The following TRABD variants were observed in gnomAD, a reference collection of about 807,000 sequenced individuals.
TRABD encodes the protein traB domain-containing protein.
TRABD carries 23 observed loss-of-function variants against 39.6 expected under a neutral mutation model. The observed-to-expected ratio is 0.58, with a 90% CI of 0.42 to 0.82. The LOEUF is 0.82. Ranked by LOEUF, TRABD falls within the 40% of genes least tolerant of loss-of-function variation. The pLI is 0.00. For missense variants in TRABD, 487 were observed against 544.9 expected, an observed-to-expected ratio of 0.89 and a Z score of 1.06; for synonymous variants, 243 against 232.1, an observed-to-expected ratio of 1.05 and a Z score of -0.43.
Position 50,199,217 on chromosome 22 carries a change from A to T in TRABD, c.*698A>T. On this transcript the variant is annotated 3_prime_UTR_variant, in exon 10 of 10. Coordinates refer to ENST00000380909, the MANE Select transcript of TRABD (RefSeq NM_001320485.2). ...CCCGAGTGGGCTCGCGTGCAGCCAA[A>T]CATCAGCTCTGGGTCCAGGCGTGGC... 1 of 696,570 alleles carries T rather than the reference A, an allele frequency of 1.4e-6. No homozygotes were observed. The highest frequency in any genetic ancestry group is 2.7e-5 in the East Asian group (1 of 36,816). 43.1% of individuals were successfully genotyped at this position (696,570 alleles called of 1,614,324 possible).
intron 4 of TRABD, 109 bp downstream of exon 4, chr22:50,194,615 G>A (rs1705402431): frequency 1.3e-6 from 2 of 1,484,448 alleles, no homozygotes; most frequent in African/African-American, 2.8e-5. Flanking sequence ...GCGCACCGCA[G>A]GCCTCCTGCT....
rs926732273 is a variant in TRABD, at chr22:50,199,407, G to T, written c.*888G>T. On this transcript the variant is annotated 3_prime_UTR_variant, in exon 10 of 10. Transcript: ENST00000380909. Reference sequence around the variant, plus strand: ...CCCTGCCCGGCGGCCGTCTGTGTGCGGGGCCTCCCTCCTGGCTGTCCAGGA... The same window carrying T: ...CCCTGCCCGGCGGCCGTCTGTGTGCTGGGCCTCCCTCCTGGCTGTCCAGGA... 2.8e-6 allele frequency: 1 copy of T among 351,646 alleles called. No homozygotes were observed. The highest frequency in any genetic ancestry group is 2.1e-5 in the African/African-American group (1 of 47,002). The allele number at this position is 351,646 out of a possible 1,614,324, so 21.8% of individuals were successfully genotyped here. A position where few individuals can be genotyped will look rare whatever the true frequency, so the allele number is the denominator to read the frequency against.
rs764427495 is a variant in TRABD at position 50,197,994 on chromosome 22, C to A, written c.843C>A (p.Asp281Glu). The stretch of plus-strand genomic sequence containing the variant: ...GCCTCGAGCTGCCTCGGGCCTCTGA[C>A]GGTGACGGCCGCCCGCAGGCGTGGG... ...ARRLELPRAS[D>E]AEPRKCVPSV... is the part of the protein sequence containing the mutation. The change falls in exon 8 of 10, where the codon GAC (aspartate) becomes GAA (glutamate). Residue 281 changes from aspartate to glutamate, a missense_variant and splice_region_variant. By Grantham distance (45) the Asp-to-Glu change is conservative. This residue lies in a region of TRABD where 358 missense variants were observed against 414.7 expected (regional missense o/e 0.86). Coordinates refer to ENST00000380909, the MANE Select transcript of TRABD (RefSeq NM_001320485.2). 1 of 1,610,850 alleles carries A rather than the reference C, an allele frequency of 6.2e-7. No homozygotes were observed. Among genetic ancestry groups the A allele is most frequent in the South Asian group, 1.1e-5 (1 of 90,974 alleles).
intron 1 of TRABD, among the ~76,000 whole-genome samples, chr22:50,189,903 C>G (rs530206497): frequency 3.3e-5 from 5 of 152,338 alleles, no homozygotes; most frequent in African/African-American, 1.2e-4. Context: ...GAAGACACTT[C>G]AGAGTCCAGG....
intron 1 of TRABD, among the ~76,000 whole-genome samples, chr22:50,190,825 G>C (rs969826078): frequency 6.6e-6 from 1 of 152,242 alleles, no homozygotes; most frequent in African/African-American, 2.4e-5. Context: ...GCATCGTGGA[G>C]CTTTCACCTA....
Position 50,193,924 on chromosome 22 carries a change from G to A in TRABD, c.112+270G>A, listed in dbSNP as rs999210938. On this transcript the variant is annotated intron_variant, in intron 3 of 9. Transcript: ENST00000380909. The stretch of plus-strand genomic sequence containing the variant: ...GCTCGTGAGCACAAGCAGTGTGAGC[G>A]GCACGGGAGTCCCTCCTTGCTGTGG... Among the ~76,000 whole-genome samples, 4 of 9,108 alleles carry A rather than the reference G, an allele frequency of 4.4e-4. No homozygotes were observed. The South Asian group carries it at 0.021, about 48-fold the overall frequency. The allele number at this position is 9,108 out of a possible 152,430, so 6.0% of individuals were successfully genotyped here. A position where few individuals can be genotyped will look rare whatever the true frequency, so the allele number is the denominator to read the frequency against.
intron 5 of TRABD, 137 bp from the exon 6 acceptor site, chr22:50,197,104 G>A (rs556949796): frequency 2.7e-4 from 228 of 837,230 alleles, no homozygotes; most frequent in Non-Finnish European, 4.1e-4. Context: ...TGCACCTGTC[G>A]GGGAGGGGGC....
intron 1 of TRABD, among the ~76,000 whole-genome samples, chr22:50,188,936 T>C (rs1378084413): frequency 6.6e-6 from 1 of 152,216 alleles, no homozygotes; most frequent in Non-Finnish European, 1.5e-5. Context: ...ACAACAGATG[T>C]CCTCCTGGGG....
Position 50,194,518 on chromosome 22 carries a change from C to T in TRABD, c.279+12C>T, listed in dbSNP as rs1169733503. ...GGGACGTTGTGAAGGTGAGCGCCGC[C>T]ACCCGCCACATCCCGGACACGGGTT... is the stretch of plus-strand genomic sequence containing the variant. On this transcript the variant is annotated intron_variant, in intron 4 of 9. Coordinates refer to ENST00000380909, the MANE Select transcript of TRABD (RefSeq NM_001320485.2). The T allele has an allele frequency of 1.9e-6, 3 of 1,550,672 alleles. No individual in the cohort carries two copies. The highest frequency in any genetic ancestry group is 3.9e-5 in the Admixed American group (2 of 51,058).
chr22:50,198,733 C>A lies in TRABD; in HGVS notation c.*214C>A. On this transcript the variant is annotated 3_prime_UTR_variant, in exon 10 of 10. Transcript: ENST00000380909. The surrounding 1 kb of genome is among the most constrained non-coding windows in gnomAD (Gnocchi z 7.9). Reference sequence around the variant, plus strand: ...CTGAGCTCAGGCCTCCCGGCAGCCCCTCCCCTCCCACACTGCAGGGGCCGT... The same window carrying A: ...CTGAGCTCAGGCCTCCCGGCAGCCCATCCCCTCCCACACTGCAGGGGCCGT... The A allele has an allele frequency of 1.8e-6, 1 of 564,820 alleles. No homozygotes were observed. The highest frequency in any genetic ancestry group is 3.5e-5 in the Admixed American group (1 of 28,232). The allele number at this position is 564,820 out of a possible 1,614,324, so 35.0% of individuals were successfully genotyped here.
chr22:50,198,261 C>A lies in TRABD; in HGVS notation c.956+75C>A. On this transcript the variant is annotated intron_variant, in intron 9 of 9. Coordinates refer to ENST00000380909, the MANE Select transcript of TRABD (RefSeq NM_001320485.2). The surrounding 1 kb of genome is among the most constrained non-coding windows in gnomAD (Gnocchi z 7.9). ...GAGGCTGAGCGCCCTGGAGGCCAAC[C>A]ACATGCGGCAGTGACCCAGGCATGG... 1 of 1,528,900 alleles carries A rather than the reference C, an allele frequency of 6.5e-7. No individual in the cohort carries two copies. 94.7% of individuals were successfully genotyped at this position (1,528,900 alleles called of 1,614,324 possible). A position where few individuals can be genotyped will look rare whatever the true frequency, so the allele number is the denominator to read the frequency against.
chr22:50,198,348 G>A lies in TRABD; in HGVS notation c.960G>A (p.Val320=), dbSNP rs1342093042. ...CAGCGCCCCCTCCCTCCCACAGCGTGCCCCCGCCGTCCGTCTCCGGCAGAG... is the reference window on the plus strand; with the variant it reads ...CAGCGCCCCCTCCCTCCCACAGCGTACCCCCGCCGTCCGTCTCCGGCAGAG... The part of the protein sequence containing the change: ...TDLNIQEIMT[V]PPPSVSGRVS... The change falls in exon 10 of 10, where the codon GTG becomes GTA. Residue 320 remains valine (V), a synonymous_variant. Transcript: ENST00000380909. The surrounding 1 kb of genome is among the most constrained non-coding windows in gnomAD (Gnocchi z 7.9). 6.4e-7 allele frequency: 1 copy of A among 1,566,780 alleles called. No homozygotes were observed. The highest frequency in any genetic ancestry group is 1.8e-5 in the Admixed American group (1 of 55,092).
chr22:50,189,868 T>G (rs1043782386), intron 1 of TRABD, among the ~76,000 whole-genome samples: 111 of 152,154 alleles, frequency 7.3e-4, no homozygotes, highest in African/African-American at 2.6e-3. Flanking sequence ...GGGAACCAGG[T>G]GGGGGTTCTT....
chr22:50,186,415 C>G (rs1259007100), intron 1 of TRABD, among the ~76,000 whole-genome samples: 1 of 152,116 alleles, frequency 6.6e-6, no homozygotes, highest in African/African-American at 2.4e-5. Context: ...CCGCGCGTCC[C>G]CTGCCACCGC....
rs1324086216 is a variant in TRABD, at chr22:50,193,661, G to A, written c.112+7G>A. 3.1e-6 allele frequency: 5 copies of A among 1,613,200 alleles called. No homozygotes were observed. The highest frequency in any genetic ancestry group is 4.2e-6 in the Non-Finnish European group (5 of 1,179,448). ...GGAGACCCCCAGAACCTGTGTACGT[G>A]TCCCTCAGGGTCCTGGCACGTTCCC... On this transcript the variant is annotated splice_region_variant and intron_variant, in intron 3 of 9. Transcript: ENST00000380909.
Position 50,198,387 on chromosome 22 carries a change from C to G in TRABD, c.999C>G (p.Ala333=). ...PSVSGRVSRL[A]VKAAFFGLLG... ...TCTCCGGCAGAGTGTCTCGGTTGGC[C>G]GTGAAGGCCGCCTTCTTCGGCCTGC... The change falls in exon 10 of 10, where the codon GCC becomes GCG. Residue 333 remains alanine (A), a synonymous_variant. Transcript: ENST00000380909. This position sits in a 1 kb window ranked among gnomAD's most constrained non-coding sequence, Gnocchi z 7.9. The G allele has an allele frequency of 2.5e-6, 4 of 1,592,932 alleles. No homozygotes were observed. The highest frequency in any genetic ancestry group is 3.5e-5 in the Admixed American group (2 of 57,884).
At chr22:50,197,099 C>T in intron 5 of TRABD, 142 bp from the exon 6 acceptor site, 3 of 789,042 alleles carry the variant, frequency 3.8e-6, no homozygotes, top group Non-Finnish European at 6.1e-6. Flanking sequence ...GGTCCTGCAC[C>T]TGTCGGGGAG....
chr22:50,199,151 C>T lies in TRABD; in HGVS notation c.*632C>T. On this transcript the variant is annotated 3_prime_UTR_variant, in exon 10 of 10. Coordinates refer to ENST00000380909, the MANE Select transcript of TRABD (RefSeq NM_001320485.2). ...TGAAGTAAATGTCAAAAAACACCAG[C>T]CTTAAATCCAAAGGGAGAGAATTCG... 1 of 719,928 alleles carries T rather than the reference C, an allele frequency of 1.4e-6. No homozygotes were observed. The highest frequency in any genetic ancestry group is 2.6e-6 in the Non-Finnish European group (1 of 385,980). The allele number at this position is 719,928 out of a possible 1,614,324, so 44.6% of individuals were successfully genotyped here.
intron 1 of TRABD, among the ~76,000 whole-genome samples, chr22:50,187,805 C>T (rs964001264): frequency 1.3e-5 from 2 of 151,822 alleles, no homozygotes; most frequent in African/African-American, 4.8e-5. Flanking sequence ...CGGTGAAACC[C>T]CGTCTCTACT....
Sources: allele counts gnomAD v4.1 joint callset (sites outside exome capture counted in the v4.1 genomes callset), GRCh38; gene constraint gnomAD v4.1.1; regional missense constraint gnomAD v4.1.1; non-coding constraint Gnocchi (gnomAD v3.1); transcripts MANE v1.5; gene names NCBI Gene and HGNC (gene_info 2026-07-23, HGNC 2026-07-21).